The following MDFIC variants were observed in gnomAD, a reference collection of about 807,000 sequenced individuals.
MDFIC encodes the protein MyoD family inhibitor domain containing.
In MDFIC, 17 loss-of-function variants were observed where a neutral mutation model predicts 23.2. The observed-to-expected ratio is 0.73, with a 90% CI of 0.50 to 1.10. MDFIC has a LOEUF of 1.10. MDFIC is among the 50% of genes least tolerant of loss of function. MDFIC has a pLI of 0.00. For synonymous variants in MDFIC, 120 were observed against 115.2 expected, an observed-to-expected ratio of 1.04 and a Z score of -0.27; for missense variants, 356 against 316.6, an observed-to-expected ratio of 1.12 and a Z score of -0.95.
chr7:114,984,795 T>A (rs1211650623), intron 4 of MDFIC, among the ~76,000 whole-genome samples: 5 of 152,238 alleles, frequency 3.3e-5, no homozygotes, highest in African/African-American at 1.2e-4. Context: ...ATGTTTTACA[T>A]GTGCCAGTTA....
At chr7:114,957,547 C>T (rs1271882194) in intron 3 of MDFIC, among the ~76,000 whole-genome samples, 1 of 152,038 alleles carries the variant, frequency 6.6e-6, no homozygotes, top group African/African-American at 2.4e-5. Flanking sequence ...TATATAAATT[C>T]ATATGGTATC....
At chr7:114,980,055 T>A (rs577181488) in intron 4 of MDFIC, 3 of 443,022 alleles carry the variant, frequency 6.8e-6, no homozygotes, top group African/African-American at 2.0e-5. Context: ...ATGCCACATT[T>A]AAAAATATAA....
chr7:114,951,238 C>G (rs528795394), intron 3 of MDFIC, among the ~76,000 whole-genome samples: 2 of 42,930 alleles, frequency 4.7e-5, no homozygotes, highest in Admixed American at 4.0e-4. Context: ...GCCAGTTGGT[C>G]TGGTCATCTC....
chr7:114,970,326 A>G (rs1186583714), intron 3 of MDFIC, among the ~76,000 whole-genome samples: 1 of 152,070 alleles, frequency 6.6e-6, no homozygotes, highest in Non-Finnish European at 1.5e-5. Flanking sequence ...ATAAGCATTT[A>G]TTTGCTAGGC....
intron 4 of MDFIC, among the ~76,000 whole-genome samples, chr7:114,985,238 T>C (rs1420413100): frequency 6.6e-6 from 1 of 152,184 alleles, no homozygotes; most frequent in Non-Finnish European, 1.5e-5. Context: ...AAGACTTGAA[T>C]TGGTACTGCT....
intron 4 of MDFIC, among the ~76,000 whole-genome samples, chr7:115,001,244 T>A (rs1314927869): frequency 6.6e-6 from 1 of 152,168 alleles, no homozygotes; most frequent in Non-Finnish European, 1.5e-5. Context: ...TTGGGGGAAA[T>A]GTGACTATAA....
At chr7:114,970,019 G>C (rs1005308825) in intron 3 of MDFIC, among the ~76,000 whole-genome samples, 3 of 152,216 alleles carry the variant, frequency 2.0e-5, no homozygotes, top group Admixed American at 2.0e-4. Context: ...CTGAAGTACA[G>C]TGCTGGTCTA....
chr7:115,014,413 T>A (rs1392129443), intron 4 of MDFIC: 1 of 1,289,464 alleles, frequency 7.8e-7, no homozygotes, highest in Non-Finnish European at 1.0e-6. Context: ...TATTATAGCA[T>A]GGCTGCCAAG....
chr7:114,990,803 A>G (rs1282894807), intron 4 of MDFIC, among the ~76,000 whole-genome samples: 1 of 152,184 alleles, frequency 6.6e-6, no homozygotes, highest in Non-Finnish European at 1.5e-5. Flanking sequence ...GTGCCCCAAT[A>G]AACATACATG....
At chr7:114,969,379 G>A (rs1793161268) in intron 3 of MDFIC, among the ~76,000 whole-genome samples, 1 of 152,078 alleles carries the variant, frequency 6.6e-6, no homozygotes, top group Non-Finnish European at 1.5e-5. Context: ...ATTTTCACTT[G>A]GTGTCCACTG....
chr7:114,937,986 G>A (rs533811496), intron 2 of MDFIC, among the ~76,000 whole-genome samples: 8 of 151,952 alleles, frequency 5.3e-5, no homozygotes, highest in East Asian at 3.9e-4. Flanking sequence ...ATGGGATTTC[G>A]CTCTTGTTGC....
chr7:114,985,481 TC>T (rs1585113934), intron 4 of MDFIC, among the ~76,000 whole-genome samples: 1 of 151,974 alleles, frequency 6.6e-6, no homozygotes, highest in East Asian at 1.9e-4. Context: ...TCTCTCTCTC[TC>T]TGTGTGTGTG....
intron 2 of MDFIC, among the ~76,000 whole-genome samples, chr7:114,925,577 A>C (rs1451588820): frequency 6.6e-6 from 1 of 152,202 alleles, no homozygotes; most frequent in African/African-American, 2.4e-5. Context: ...GAGCAGGGAC[A>C]TAAGCTTACA....
At chr7:114,974,771 A>G (rs1793276061) in intron 3 of MDFIC, among the ~76,000 whole-genome samples, 2 of 152,098 alleles carry the variant, frequency 1.3e-5, no homozygotes, top group African/African-American at 4.8e-5. Flanking sequence ...CATATTTATT[A>G]TTCTTATTGA....
intron 4 of MDFIC, among the ~76,000 whole-genome samples, chr7:114,987,512 G>A (rs1012642635): frequency 6.6e-6 from 1 of 152,124 alleles, no homozygotes; most frequent in Non-Finnish European, 1.5e-5. Context: ...GTTTTGTTAT[G>A]TTCTGTTTTC....
In MDFIC at chr7:115,014,541, G is replaced by T. The variant is rs183898115; in HGVS notation, c.494-1147G>T. 12,195 of 1,285,482 alleles carry T rather than the reference G, an allele frequency of 9.5e-3. 212 individuals carry two copies. Among genetic ancestry groups the T allele is most frequent in the South Asian group, 0.056 (4,539 of 80,360 alleles). 79.6% of individuals were successfully genotyped at this position (1,285,482 alleles called of 1,614,324 possible). A position where few individuals can be genotyped will look rare whatever the true frequency, so the allele number is the denominator to read the frequency against. On this transcript the variant is annotated intron_variant, in intron 4 of 4. Coordinates refer to ENST00000393486, the MANE Select transcript of MDFIC (RefSeq NM_001166345.3). ...AAAGGACATGTGACAATGGTAAGAG[G>T]GTGGGGTTGTTGTGTCTTATCGCTA...
At chr7:114,923,446 G>C in intron 2 of MDFIC, 1 of 1,537,468 alleles carries the variant, frequency 6.5e-7, no homozygotes, top group South Asian at 1.2e-5. Flanking sequence ...GTTCTGAAGC[G>C]CTTCTCCTCT....
chr7:114,986,032 G>GTTT (rs11314179), intron 4 of MDFIC, among the ~76,000 whole-genome samples: 5 of 138,386 alleles, frequency 3.6e-5, no homozygotes, highest in Non-Finnish European at 7.8e-5. Flanking sequence ...TACCTTTGCA[G>GTTT]TTTTTTTTTT....
At chr7:114,989,681 G>T (rs1191986524) in intron 4 of MDFIC, among the ~76,000 whole-genome samples, 1 of 152,158 alleles carries the variant, frequency 6.6e-6, no homozygotes, top group Admixed American at 6.5e-5. Context: ...TGTTAACCTC[G>T]ATGGCTCTGC....
Sources: gnomAD v4.1 joint callset for allele counts (sites outside exome capture counted in the v4.1 genomes callset) on GRCh38, gnomAD v4.1.1 for gene constraint, MANE v1.5 for transcripts, NCBI Gene and HGNC (gene_info 2026-07-23, HGNC 2026-07-21) for gene names.